The following PTAR1 variants were observed in gnomAD, a reference collection of about 807,000 sequenced individuals.
PTAR1 encodes the protein protein prenyltransferase alpha subunit repeat containing 1, also known as protein prenyltransferase alpha subunit repeat-containing protein 1.
A neutral mutation model predicts 45.5 loss-of-function variants in PTAR1; 17 were observed. That is an observed-to-expected ratio of 0.37 (90% CI 0.26 to 0.56). PTAR1 has a LOEUF of 0.56. Ranked by LOEUF, PTAR1 falls within the 20% of genes least tolerant of loss-of-function variation. The pLI is 0.77. For synonymous variants in PTAR1, 169 were observed against 171.3 expected, an observed-to-expected ratio of 0.99 and a Z score of 0.11; for missense variants, 391 against 476.3, an observed-to-expected ratio of 0.82 and a Z score of 1.67.
chr9:69,722,082 G>A (rs1825035960), intron 6 of PTAR1, among the ~76,000 whole-genome samples: 1 of 152,174 alleles, frequency 6.6e-6, no homozygotes, highest in Non-Finnish European at 1.5e-5. Flanking sequence ...AGGTGCCAAA[G>A]AGGGGAGATA....
rs1480488882 is a variant in PTAR1 at position 69,718,301 on chromosome 9, T to G, written c.*41A>C. 5.1e-6 allele frequency: 7 copies of G among 1,376,614 alleles called. No homozygotes were observed. The highest frequency in any genetic ancestry group is 6.0e-6 in the Non-Finnish European group (6 of 1,002,642). The allele number at this position is 1,376,614 out of a possible 1,614,324, so 85.3% of individuals were successfully genotyped here. A position where few individuals can be genotyped will look rare whatever the true frequency, so the allele number is the denominator to read the frequency against. On this transcript the variant is annotated 3_prime_UTR_variant, in exon 8 of 8. Coordinates refer to ENST00000340434, the MANE Select transcript of PTAR1 (RefSeq NM_001099666.2). Reference sequence around the variant, plus strand: ...ATGTAAATAATAAAAGAAAGCAATATTGCACTAAAAGGGGAACCTTGTAGG... The same window carrying G: ...ATGTAAATAATAAAAGAAAGCAATAGTGCACTAAAAGGGGAACCTTGTAGG...
At chr9:69,738,435 T>C (rs1163410819) in intron 3 of PTAR1, among the ~76,000 whole-genome samples, 1 of 152,212 alleles carries the variant, frequency 6.6e-6, no homozygotes, top group Non-Finnish European at 1.5e-5. Flanking sequence ...GGGGATTATC[T>C]AGATAAATTA....
chr9:69,733,008 G>A (rs913913005), intron 4 of PTAR1, among the ~76,000 whole-genome samples: 4 of 152,066 alleles, frequency 2.6e-5, no homozygotes, highest in Non-Finnish European at 5.9e-5. Flanking sequence ...TGTTTACTTT[G>A]TACCAGTAAT....
intron 1 of PTAR1, among the ~76,000 whole-genome samples, chr9:69,753,116 G>C (rs1455200712): frequency 6.8e-6 from 1 of 147,682 alleles, no homozygotes; most frequent in African/African-American, 2.5e-5. Context: ...TCCTGTTTCT[G>C]GGTATGGTTT....
intron 5 of PTAR1, among the ~76,000 whole-genome samples, chr9:69,725,603 A>AAAT (rs1554715488): frequency 2.6e-5 from 4 of 151,052 alleles, no homozygotes; most frequent in African/African-American, 7.3e-5. Flanking sequence ...AAAGAAAAAA[A>AAAT]ATATATATAT....
At chr9:69,759,135 T>C (rs369515892) in intron 1 of PTAR1, among the ~76,000 whole-genome samples, 1 of 152,216 alleles carries the variant, frequency 6.6e-6, no homozygotes, top group Non-Finnish European at 1.5e-5. Context: ...ATGTCAGTTC[T>C]GCAGTGTCCC....
rs138632453 is a variant in PTAR1 at position 69,743,399 on chromosome 9, C to T, written c.257-1541G>A. ...ATCTAAGAGCAAATACACATAAACA[C>T]ATCCAATAGTCATTTAAAAATATTC... On this transcript the variant is annotated intron_variant, in intron 2 of 7. Transcript: ENST00000340434. 4.9e-3 allele frequency among the ~76,000 whole-genome samples: 751 copies of T among 152,212 alleles called. 8 individuals carry two copies. Among genetic ancestry groups the T allele is most frequent in the African/African-American group, 0.017 (715 of 41,544 alleles).
chr9:69,734,507 T>A (rs1825691564), intron 3 of PTAR1, among the ~76,000 whole-genome samples: 1 of 152,090 alleles, frequency 6.6e-6, no homozygotes, highest in African/African-American at 2.4e-5. Context: ...AGCTCTTAAA[T>A]CAACAGATTT....
At chr9:69,751,055 C>G in intron 1 of PTAR1, 105 bp from the exon 2 acceptor site, 1 of 804,894 alleles carries the variant, frequency 1.2e-6, no homozygotes, top group East Asian at 2.7e-5. Flanking sequence ...TTCCCCCTTC[C>G]TTACAAATAT....
intron 2 of PTAR1, among the ~76,000 whole-genome samples, chr9:69,744,656 C>T (rs1256601597): frequency 6.6e-6 from 1 of 152,118 alleles, no homozygotes; most frequent in Non-Finnish European, 1.5e-5. Context: ...AAAGTGCTGG[C>T]ATTACAGGTG....
chr9:69,734,134 T>C lies in PTAR1; in HGVS notation c.428+16A>G, dbSNP rs1188998261. 7.2e-7 allele frequency: 1 copy of C among 1,380,534 alleles called. No homozygotes were observed. 85.5% of individuals were successfully genotyped at this position (1,380,534 alleles called of 1,614,324 possible). A position where few individuals can be genotyped will look rare whatever the true frequency, so the allele number is the denominator to read the frequency against. On this transcript the variant is annotated intron_variant, in intron 4 of 7. Coordinates refer to ENST00000340434, the MANE Select transcript of PTAR1 (RefSeq NM_001099666.2). ...TGAATCCTAAGTAAGAGTACTATGT[T>C]GTAAATTAACCACACCTGTGAATCC...
In PTAR1 at chr9:69,709,615, C is replaced by T; in HGVS notation, c.*8727G>A. ...TTCCATATTCTACAGAAATACAATA[C>T]TTTATAGCTGGCTTGGTACATGGTC... On this transcript the variant is annotated 3_prime_UTR_variant, in exon 8 of 8. Coordinates refer to ENST00000340434, the MANE Select transcript of PTAR1 (RefSeq NM_001099666.2). The T allele has an allele frequency of 6.6e-6, 1 of 152,086 alleles. No individual in the cohort carries two copies. Among genetic ancestry groups the T allele is most frequent in the Admixed American group, 6.6e-5 (1 of 15,262 alleles). The allele number at this position is 152,086 out of a possible 1,614,324, so 9.4% of individuals were successfully genotyped here.
At chr9:69,750,698 G>T in intron 2 of PTAR1, 83 bp downstream of exon 2, 1 of 959,836 alleles carries the variant, frequency 1.0e-6, no homozygotes, top group Non-Finnish European at 1.5e-6. Context: ...ATCCAGGAAT[G>T]CTGACACTCA....
chr9:69,736,675 G>A (rs1212179882), intron 3 of PTAR1, among the ~76,000 whole-genome samples: 1 of 151,910 alleles, frequency 6.6e-6, no homozygotes, highest in Non-Finnish European at 1.5e-5. Context: ...CATATATAAG[G>A]GGAGATAATC....
intron 1 of PTAR1, 112 bp downstream of exon 1, chr9:69,759,741 G>T (rs1438915041): frequency 1.6e-5 from 17 of 1,071,584 alleles, no homozygotes; most frequent in Non-Finnish European, 1.9e-5. Flanking sequence ...CCCTAGAAGG[G>T]CTCGTGGGCC....
At position 69,711,717 on chromosome 9, in the gene PTAR1, A is replaced by ATACACAAGAT. The variant is rs1824531848; in HGVS notation, c.*6624_*6625insATCTTGTGTA. ...TTATTAATATGCCTTGCACAAGAAA[A>ATACACAAGAT]TACTACTTAATCTTTCACATCTCCT... On this transcript the variant is annotated 3_prime_UTR_variant, in exon 8 of 8. Transcript: ENST00000340434. 1 of 152,258 alleles carries ATACACAAGAT rather than the reference A, an allele frequency of 6.6e-6. No homozygotes were observed. Among genetic ancestry groups the ATACACAAGAT allele is most frequent in the East Asian group, 1.9e-4 (1 of 5,184 alleles). 9.4% of individuals were successfully genotyped at this position (152,258 alleles called of 1,614,324 possible).
At chr9:69,743,121 T>C (rs931689492) in intron 2 of PTAR1, among the ~76,000 whole-genome samples, 4 of 152,186 alleles carry the variant, frequency 2.6e-5, no homozygotes, top group Non-Finnish European at 4.4e-5. Context: ...GTATGAGGCA[T>C]GGCAGTAAGC....
chr9:69,751,022 A>G, intron 1 of PTAR1, 72 bp from the exon 2 acceptor site: 1 of 1,132,050 alleles, frequency 8.8e-7, no homozygotes, highest in Non-Finnish European at 1.2e-6. Flanking sequence ...CTAATTTCAG[A>G]GTATTTTAAA....
At chr9:69,741,640 C>T in intron 3 of PTAR1, 152 bp downstream of exon 3, 1 of 566,246 alleles carries the variant, frequency 1.8e-6, no homozygotes, top group Non-Finnish European at 3.2e-6. Context: ...GGCAAAATGC[C>T]TATTTAGAAT....
Sources: allele counts gnomAD v4.1 joint callset (sites outside exome capture counted in the v4.1 genomes callset), GRCh38; gene constraint gnomAD v4.1.1; transcripts MANE v1.5; gene names NCBI Gene and HGNC (gene_info 2026-07-23, HGNC 2026-07-21).